The following RBFOX1 variants were observed in gnomAD, a reference collection of about 807,000 sequenced individuals.
The protein encoded by RBFOX1 is RNA binding fox-1 homolog 1.
Under a neutral mutation model 57.7 loss-of-function variants are expected in RBFOX1, and 8 were observed. The ratio of observed to expected loss-of-function variants is 0.14; its 90% CI spans 0.08 to 0.25. The LOEUF (loss-of-function observed/expected upper bound fraction) is 0.25. RBFOX1 is among the 10% of genes least tolerant of loss of function. The pLI, the probability that RBFOX1 is intolerant of heterozygous loss-of-function variation, is 1.00. For synonymous variants in RBFOX1, 326 were observed against 222.4 expected (o/e 1.47, Z -4.15); for missense variants, 611 against 548.5 (o/e 1.11, Z -1.14).
At chr16:7,323,301 G>A (rs1383987416) in intron 4 of RBFOX1, among the ~76,000 whole-genome samples, 1 of 152,160 alleles carries the variant, frequency 6.6e-6, no homozygotes, top group Non-Finnish European at 1.5e-5. Context: ...GTATGCACCT[G>A]TAGTCCCAGG....
chr16:6,317,653 A>G (rs1259792946), intron 2 of RBFOX1, among the ~76,000 whole-genome samples: 1 of 152,164 alleles, frequency 6.6e-6, no homozygotes, highest in African/African-American at 2.4e-5. Context: ...ATTGCATGCA[A>G]GGACTTTATT....
chr16:7,173,136 A>G (rs1208186078), intron 4 of RBFOX1, among the ~76,000 whole-genome samples: 1 of 152,216 alleles, frequency 6.6e-6, no homozygotes, highest in African/African-American at 2.4e-5. Context: ...TTCATATTTC[A>G]TAAAATCTTA....
At chr16:5,381,521 C>T (rs905216518) in intron 1 of RBFOX1, among the ~76,000 whole-genome samples, 3 of 152,114 alleles carry the variant, frequency 2.0e-5, no homozygotes, top group Non-Finnish European at 2.9e-5. Context: ...AGGCTGCAGG[C>T]CCATAGACCA....
At chr16:7,157,782 G>C (rs1051154691) in intron 4 of RBFOX1, among the ~76,000 whole-genome samples, 8 of 152,142 alleles carry the variant, frequency 5.3e-5, no homozygotes, top group African/African-American at 1.9e-4. Context: ...CTCTAGGCAA[G>C]AAATTGGATT....
At chr16:5,524,215 A>G (rs1198899324) in intron 2 of RBFOX1, among the ~76,000 whole-genome samples, 2 of 152,174 alleles carry the variant, frequency 1.3e-5, no homozygotes, top group Admixed American at 6.5e-5. Flanking sequence ...GCTTCCTGAG[A>G]CTGTGCTCTA....
intron 4 of RBFOX1, among the ~76,000 whole-genome samples, chr16:7,130,731 C>G (rs376087293): frequency 3.7e-4 from 57 of 152,314 alleles, no homozygotes; most frequent in African/African-American, 1.3e-3. Flanking sequence ...GAAGCCCATT[C>G]CTGGCCAAAT....
chr16:5,496,895 C>G (rs1316600035), intron 2 of RBFOX1, among the ~76,000 whole-genome samples: 2 of 152,196 alleles, frequency 1.3e-5, no homozygotes, highest in Non-Finnish European at 2.9e-5. Flanking sequence ...TCATTTGCCA[C>G]CATTGATTTT....
At chr16:6,121,786 C>T (rs2096551718) in intron 1 of RBFOX1, among the ~76,000 whole-genome samples, 1 of 152,162 alleles carries the variant, frequency 6.6e-6, no homozygotes, top group Non-Finnish European at 1.5e-5. Flanking sequence ...CTGTTTCCTC[C>T]TCTGTAAAAG....
intron 3 of RBFOX1, among the ~76,000 whole-genome samples, chr16:5,773,015 G>C (rs1384675403): frequency 6.6e-6 from 1 of 152,080 alleles, no homozygotes; most frequent in Non-Finnish European, 1.5e-5. Context: ...GGAGAAATGG[G>C]CAAGGGGAAA....
chr16:7,071,587 ATGTGTGTGTGTGTGTG>A, intron 4 of RBFOX1, among the ~76,000 whole-genome samples: 1 of 148,050 alleles, frequency 6.8e-6, no homozygotes, highest in South Asian at 2.2e-4. Context: ...TTGCCCAGAT[ATGTGTGTGTGTGTGTG>A]TGTGTGTGTG....
At chr16:6,401,476 T>TA (rs1373356417) in intron 2 of RBFOX1, among the ~76,000 whole-genome samples, 1 of 152,234 alleles carries the variant, frequency 6.6e-6, no homozygotes, top group Non-Finnish European at 1.5e-5. Flanking sequence ...GTGATCATTT[T>TA]AAAACCTACG....
chr16:7,348,142 C>G lies in RBFOX1; in HGVS notation c.28-170005C>G, dbSNP rs565332864. Among the ~76,000 whole-genome samples the G allele has an allele frequency of 3.0e-4, 45 of 152,274 alleles. 1 individual carries two copies. The highest frequency in any genetic ancestry group is 7.2e-4 in the Admixed American group (11 of 15,288). On this transcript the variant is annotated intron_variant, in intron 4 of 15. Coordinates refer to ENST00000550418, the MANE Select transcript of RBFOX1 (RefSeq NM_018723.4). ...ACCATAAAATTAATGTGGGCTAAAC[C>G]TAAGTTTTCAGAAACAAAAAGCACA...
chr16:6,101,342 C>T lies in RBFOX1; in HGVS notation c.-127+81350C>T, dbSNP rs370436070. Among the ~76,000 whole-genome samples the T allele has an allele frequency of 1.2e-4, 19 of 152,190 alleles. 1 individual carries two copies. Among genetic ancestry groups the T allele is most frequent in the Admixed American group, 1.0e-3 (16 of 15,274 alleles). On this transcript the variant is annotated intron_variant, in intron 1 of 15. Transcript: ENST00000550418. ...GTTGTAAAAACCACAGAGCATTTTCCTGTACACGATGTCCTCATACTGAAC... is the reference window on the plus strand; with the variant it reads ...GTTGTAAAAACCACAGAGCATTTTCTTGTACACGATGTCCTCATACTGAAC...
intron 4 of RBFOX1, among the ~76,000 whole-genome samples, chr16:5,932,720 G>T (rs891542476): frequency 6.6e-6 from 1 of 152,204 alleles, no homozygotes; most frequent in Non-Finnish European, 1.5e-5. Flanking sequence ...CTCTGGTCTT[G>T]TTTACGTGCA....
At chr16:6,387,128 C>T (rs555521491) in intron 2 of RBFOX1, among the ~76,000 whole-genome samples, 1 of 152,144 alleles carries the variant, frequency 6.6e-6, no homozygotes, top group Admixed American at 6.5e-5. Flanking sequence ...ACTTCAAATC[C>T]ATGCCTTTTA....
chr16:5,809,602 A>T (rs548382223), intron 3 of RBFOX1, among the ~76,000 whole-genome samples: 1 of 152,372 alleles, frequency 6.6e-6, no homozygotes, highest in South Asian at 2.1e-4. Flanking sequence ...CATCAGAGAA[A>T]TGCAAATCAA....
intron 3 of RBFOX1, among the ~76,000 whole-genome samples, chr16:6,869,362 T>G (rs548229566): frequency 1.3e-5 from 2 of 152,078 alleles, no homozygotes; most frequent in Non-Finnish European, 2.9e-5. Flanking sequence ...AATCCCATAG[T>G]TGTAGGTAGA....
chr16:5,863,760 G>A (rs182041674), intron 3 of RBFOX1, among the ~76,000 whole-genome samples: 22 of 152,264 alleles, frequency 1.4e-4, no homozygotes, highest in Admixed American at 1.2e-3. Flanking sequence ...GCCACAAGCC[G>A]TACCACTCCC....
intron 14 of RBFOX1, among the ~76,000 whole-genome samples, chr16:7,679,609 T>A (rs776856859): frequency 2.6e-5 from 4 of 152,146 alleles, no homozygotes; most frequent in Non-Finnish European, 5.9e-5. Flanking sequence ...GATTTTACCT[T>A]TTTTCAGCAC....
Sources: allele counts gnomAD v4.1 joint callset (sites outside exome capture counted in the v4.1 genomes callset), GRCh38; gene constraint gnomAD v4.1.1; transcripts MANE v1.5; gene names NCBI Gene and HGNC (gene_info 2026-07-23, HGNC 2026-07-21).